Variants in NBR1 observed in about 807,000 individuals in gnomAD.
NBR1 encodes next to BRCA1 gene 1 protein.
Under a neutral mutation model 115.5 loss-of-function variants are expected in NBR1, and 59 were observed. That is an observed-to-expected ratio of 0.51 (90% CI 0.41 to 0.63). NBR1 has a LOEUF of 0.63. Among genes scored for constraint, NBR1 ranks in the 30% least tolerant of loss-of-function variants. The probability of loss-of-function intolerance (pLI) is 0.00; values close to 1 mark genes in which losing one functional copy is unlikely to be tolerated. For synonymous variants in NBR1, 373 were observed against 414.7 expected (o/e 0.90, Z 1.22); for missense variants, 1,043 against 1,150.5 (o/e 0.91, Z 1.35).
rs775003667 is a variant in NBR1 at position 43,175,840 on chromosome 17, A to G, written c.41A>G (p.Glu14Gly). 6.2e-7 allele frequency: 1 copy of G among 1,606,268 alleles called. No individual in the cohort carries two copies. The part of the protein sequence containing the change: ...QVTLNVTFKN[E>G]IQSFLVSDPE... Reference sequence around the variant, plus strand: ...ACTCTAAATGTGACTTTTAAAAATGAAATTCAAAGCTTTCTGGTTTCTGAT... The same window carrying G: ...ACTCTAAATGTGACTTTTAAAAATGGAATTCAAAGCTTTCTGGTTTCTGAT... Residue 14 changes from glutamate (E) to glycine (G), a missense_variant, in exon 2 of 21, where the codon GAA (glutamate) becomes GGA (glycine). By Grantham distance (98) the Glu-to-Gly change is moderately conservative. Coordinates refer to ENST00000590996, the MANE Select transcript of NBR1 (RefSeq NM_005899.5).
rs199926934 is a variant in NBR1 at position 43,190,748 on chromosome 17, C to T, written c.835C>T (p.Arg279Cys). 40 of 1,608,984 alleles carry T rather than the reference C, an allele frequency of 2.5e-5. 3 individuals carry two copies. In the East Asian group the frequency reaches 6.5e-4, roughly 26 times the overall value. Residue 279 changes from arginine to cysteine, a missense_variant, in exon 9 of 21, where the codon CGT (arginine) becomes TGT (cysteine). Coordinates refer to ENST00000590996, the MANE Select transcript of NBR1 (RefSeq NM_005899.5). ...PFCHSKYSTP[R>C]LPAALEQVRL... ...CTGTCACTCAAAGTACTCTACTCCT[C>T]GTCTTCCTGCTGCTCTGGAACAAGT... is the stretch of plus-strand genomic sequence containing the variant.
rs1399325177 is a variant in NBR1, at chr17:43,196,189, C to CT, written c.1751-286dup. ...TTCCACTATAAAGGAATCCTCTTCT[C>CT]TTTTTTCCCTCTAGATACTTGTGTC... On this transcript the variant is annotated intron_variant, in intron 14 of 20. Transcript: ENST00000590996. The CT allele has an allele frequency of 3.5e-5, 8 of 226,010 alleles. No homozygotes were observed. In the South Asian group the frequency reaches 8.4e-4, roughly 24 times the overall value. 14.0% of individuals were successfully genotyped at this position (226,010 alleles called of 1,614,324 possible).
chr17:43,187,649 C>G (rs189762450), intron 6 of NBR1, among the ~76,000 whole-genome samples: 2 of 151,180 alleles, frequency 1.3e-5, no homozygotes, highest in Non-Finnish European at 2.9e-5. Flanking sequence ...GCTGGGATTA[C>G]AGGCACACAC....
Position 43,200,270 on chromosome 17 carries a change from TGAGGAG to T in NBR1, c.2139_2144del (p.Glu713_Glu714del). 1 of 1,550,646 alleles carries T rather than the reference TGAGGAG, an allele frequency of 6.4e-7. No homozygotes were observed. Among genetic ancestry groups the T allele is most frequent in the Non-Finnish European group, 8.7e-7 (1 of 1,146,068 alleles). ...TGGAGGAGGAGGAGGATGAGGAGGA[TGAGGAG>T]GAGGAGGATGAGCTCAAAGATGAAG... On this transcript the variant is annotated inframe_deletion, in exon 17 of 21. Coordinates refer to ENST00000590996, the MANE Select transcript of NBR1 (RefSeq NM_005899.5).
At chr17:43,178,604 T>TGG (rs1195358564) in intron 3 of NBR1, among the ~76,000 whole-genome samples, 1 of 151,990 alleles carries the variant, frequency 6.6e-6, no homozygotes, top group Non-Finnish European at 1.5e-5. Flanking sequence ...CTCGAACTCC[T>TGG]GGGCTCAAGC....
In NBR1 at chr17:43,188,125, C is replaced by CAG. The variant is rs1467525898; in HGVS notation, c.403-917_403-916insAG. ...CAGAATGGTCTTGATCTCCTGACCTCGTGGTCCACCCGCCTCAGCCTCCCA... is the reference window on the plus strand; with the variant it reads ...CAGAATGGTCTTGATCTCCTGACCTCAGGTGGTCCACCCGCCTCAGCCTCCCA... On this transcript the variant is annotated intron_variant, in intron 6 of 20. Coordinates refer to ENST00000590996, the MANE Select transcript of NBR1 (RefSeq NM_005899.5). Among the ~76,000 whole-genome samples the CAG allele has an allele frequency of 4.0e-5, 6 of 149,902 alleles. No homozygotes were observed. The South Asian group carries it at 1.3e-3, about 32-fold the overall frequency.
intron 20 of NBR1, 26 bp from the exon 21 acceptor site, chr17:43,209,875 T>G: frequency 1.4e-6 from 2 of 1,449,934 alleles, no homozygotes; most frequent in Non-Finnish European, 1.8e-6. Context: ...TTTTTTTTTT[T>G]TTTTGCTTTG....
At chr17:43,184,818 G>A (rs1423512827) in intron 5 of NBR1, among the ~76,000 whole-genome samples, 4 of 151,950 alleles carry the variant, frequency 2.6e-5, no homozygotes, top group East Asian at 3.9e-4. Flanking sequence ...TAGACTAGGC[G>A]CAGTGGCTCA....
chr17:43,184,066 C>T (rs2056740071), intron 5 of NBR1, among the ~76,000 whole-genome samples: 1 of 151,848 alleles, frequency 6.6e-6, no homozygotes, highest in Non-Finnish European at 1.5e-5. Context: ...ATCTCACTGT[C>T]ACCCAGGCTG....
rs1360449754 is a variant in NBR1 at position 43,210,937 on chromosome 17, G to A, written c.*863G>A. 4 of 380,578 alleles carry A rather than the reference G, an allele frequency of 1.1e-5. No homozygotes were observed. In the East Asian group the frequency reaches 1.1e-4, roughly 11 times the overall value. The allele number at this position is 380,578 out of a possible 1,614,324, so 23.6% of individuals were successfully genotyped here. On this transcript the variant is annotated 3_prime_UTR_variant, in exon 21 of 21. Transcript: ENST00000590996. ...CAGATCTTATTTTACAGTACAGTGG[G>A]GGAAATAGAAACATGTGAAAGGCAA...
intron 20 of NBR1, among the ~76,000 whole-genome samples, chr17:43,206,757 A>AT (rs1382596309): frequency 4.6e-5 from 7 of 151,884 alleles, no homozygotes; most frequent in Non-Finnish European, 1.0e-4. Context: ...TGAGATGATG[A>AT]TTAAGTGGCT....
chr17:43,209,513 T>G, intron 20 of NBR1: 1 of 1,433,486 alleles, frequency 7.0e-7, no homozygotes, highest in Non-Finnish European at 9.5e-7. Flanking sequence ...ACTTTTATCT[T>G]GCTCATACTT....
chr17:43,211,443 ACTTAAAT>A lies in NBR1; in HGVS notation c.*1370_*1376del, dbSNP rs1315321109. 6.6e-6 allele frequency: 1 copy of A among 152,652 alleles called. No individual in the cohort carries two copies. Among genetic ancestry groups the A allele is most frequent in the East Asian group, 1.9e-4 (1 of 5,202 alleles). The allele number at this position is 152,652 out of a possible 1,614,324, so 9.5% of individuals were successfully genotyped here. A position where few individuals can be genotyped will look rare whatever the true frequency, so the allele number is the denominator to read the frequency against. On this transcript the variant is annotated 3_prime_UTR_variant, in exon 21 of 21. Coordinates refer to ENST00000590996, the MANE Select transcript of NBR1 (RefSeq NM_005899.5). ...ATTTACAGTATAACTCCTGAATGCT[ACTTAAAT>A]AAACCAGGATTCAAACTGCAAGCCA... is the stretch of plus-strand genomic sequence containing the variant.
Position 43,210,811 on chromosome 17 carries a change from G to T in NBR1, c.*737G>T, listed in dbSNP as rs1326586589. Reference sequence around the variant, plus strand: ...ATTTTTATTTAAGGGAAAAAATATAGGTATTGTGAAATATTTTGCTAATCT... The same window carrying T: ...ATTTTTATTTAAGGGAAAAAATATATGTATTGTGAAATATTTTGCTAATCT... On this transcript the variant is annotated 3_prime_UTR_variant, in exon 21 of 21. Coordinates refer to ENST00000590996, the MANE Select transcript of NBR1 (RefSeq NM_005899.5). 1 of 398,050 alleles carries T rather than the reference G, an allele frequency of 2.5e-6. No homozygotes were observed. Among genetic ancestry groups the T allele is most frequent in the African/African-American group, 2.1e-5 (1 of 48,540 alleles). The allele number at this position is 398,050 out of a possible 1,614,324, so 24.7% of individuals were successfully genotyped here. A position where few individuals can be genotyped will look rare whatever the true frequency, so the allele number is the denominator to read the frequency against.
intron 10 of NBR1, among the ~76,000 whole-genome samples, chr17:43,191,829 T>C (rs1597991096): frequency 6.6e-6 from 1 of 152,018 alleles, no homozygotes; most frequent in Non-Finnish European, 1.5e-5. Context: ...CACGCCATTC[T>C]CCTGCCTCAG....
chr17:43,174,739 G>A (rs2056462976), intron 1 of NBR1, among the ~76,000 whole-genome samples: 1 of 152,018 alleles, frequency 6.6e-6, no homozygotes, highest in Non-Finnish European at 1.5e-5. Context: ...TGAGTTGATT[G>A]TTGGTTTAAC....
intron 3 of NBR1, among the ~76,000 whole-genome samples, chr17:43,178,217 TAA>T (rs377016401): frequency 2.2e-4 from 31 of 142,758 alleles, no homozygotes; most frequent in Non-Finnish European, 2.2e-4. Flanking sequence ...AACTTTCACT[TAA>T]AAAAAAAAAA....
intron 5 of NBR1, among the ~76,000 whole-genome samples, chr17:43,182,768 TTTC>T (rs1434036008): frequency 1.3e-5 from 2 of 151,866 alleles, no homozygotes; most frequent in African/African-American, 4.9e-5. Context: ...GAATGCTTTT[TTTC>T]TTTTTTTTTT....
chr17:43,205,561 C>T (rs1009325295), intron 20 of NBR1, among the ~76,000 whole-genome samples: 13 of 151,892 alleles, frequency 8.6e-5, no homozygotes, highest in African/African-American at 2.2e-4. Flanking sequence ...AGTGTGAATC[C>T]GGTCTAAGAA....
Sources: allele counts gnomAD v4.1 joint callset (sites outside exome capture counted in the v4.1 genomes callset), GRCh38; gene constraint gnomAD v4.1.1; transcripts MANE v1.5; gene names NCBI Gene and HGNC (gene_info 2026-07-23, HGNC 2026-07-21).